CNBD1: variants seen among roughly 807,000 people sequenced by gnomAD.
CNBD1 encodes the protein cyclic nucleotide-binding domain-containing protein 1.
A neutral mutation model predicts 54.4 loss-of-function variants in CNBD1; 71 were observed. That is an observed-to-expected ratio of 1.30 (90% confidence interval 1.08 to 1.59). CNBD1 has a LOEUF of 1.59. Ranked by LOEUF, CNBD1 falls within the 40% of genes most tolerant of loss-of-function variation. The pLI, the probability that CNBD1 is intolerant of heterozygous loss-of-function variation, is 0.00. For synonymous variants in CNBD1, 182 were observed against 170.7 expected (o/e 1.07, Z -0.51); for missense variants, 659 against 518.0 (o/e 1.27, Z -2.64).
chr8:87,420,014 T>C lies in CNBD1; in HGVS notation c.214-8532T>C, dbSNP rs561218859. 4.4e-4 allele frequency among the ~76,000 whole-genome samples: 67 copies of C among 150,684 alleles called. No homozygotes were observed. The Middle Eastern group carries it at 0.011, about 24-fold the overall frequency. ...TGTAAGTATATTGAATCCAGAAATA[T>C]ATAGAAAGCACTATACATAATGACC... On this transcript the variant is annotated intron_variant, in intron 2 of 7. Coordinates refer to the CNBD1 transcript ENST00000521593.
At chr8:87,369,341 G>C (rs375235217) in intron 10 of CNBD1, among the ~76,000 whole-genome samples, 3 of 151,946 alleles carry the variant, frequency 2.0e-5, no homozygotes, top group East Asian at 3.9e-4. Flanking sequence ...TTTTGTGATT[G>C]AAAAGAGTTC....
chr8:86,905,128 A>G lies in CNBD1; in HGVS notation c.206A>G (p.Gln69Arg), dbSNP rs267602035. 2.5e-6 allele frequency: 4 copies of G among 1,612,658 alleles called. No homozygotes were observed. Among genetic ancestry groups the G allele is most frequent in the Non-Finnish European group, 2.5e-6 (3 of 1,179,048 alleles). ...ILSAHDTFMK[Q>R]YPKVFLHQKP... ...TCAGCTCACGATACATTTATGAAGC[A>G]ATATCCTAAAGTATTCCTGCACCAA... The change falls in exon 3 of 11, where the codon CAA (glutamine) becomes CGA (arginine). Residue 69 changes from glutamine to arginine, a missense_variant. Transcript: ENST00000518476.
chr8:87,348,272 G>T (rs1014034156), intron 8 of CNBD1, among the ~76,000 whole-genome samples: 1 of 152,000 alleles, frequency 6.6e-6, no homozygotes, highest in South Asian at 2.1e-4. Context: ...ATATTTATCT[G>T]CAAATAAATA....
intron 8 of CNBD1, among the ~76,000 whole-genome samples, chr8:87,350,175 T>C (rs922113777): frequency 1.3e-5 from 2 of 152,188 alleles, no homozygotes; most frequent in African/African-American, 4.8e-5. Flanking sequence ...GAGAAAAATC[T>C]GTGAGAAAAT....
intron 1 of CNBD1, among the ~76,000 whole-genome samples, chr8:86,884,936 T>C (rs535429268): frequency 1.3e-5 from 2 of 152,338 alleles, no homozygotes; most frequent in South Asian, 4.1e-4. Flanking sequence ...CGCAGGATCA[T>C]TGTGATATTT....
chr8:87,411,428 T>TATATATATATATATATATA (rs1807745518), intron 2 of CNBD1, among the ~76,000 whole-genome samples: 2 of 48,710 alleles, frequency 4.1e-5, no homozygotes, highest in African/African-American at 9.6e-5. Context: ...ATATATATAT[T>TATATATATATATATATATA]TCATTCACAC....
rs1563526073 is a variant in CNBD1 at position 87,256,004 on chromosome 8, TA to T, written c.771+18893del. On this transcript the variant is annotated intron_variant, in intron 6 of 10. Transcript: ENST00000518476. The stretch of plus-strand genomic sequence containing the variant: ...ATATATATATATATATATATATATA[TA>T]TATATATATATTTTTTTTTTTTTTT... Among the ~76,000 whole-genome samples the T allele has an allele frequency of 7.6e-3, 145 of 19,116 alleles. 2 individuals carry two copies. Among genetic ancestry groups the T allele is most frequent in the African/African-American group, 0.012 (49 of 4,024 alleles). 12.5% of individuals were successfully genotyped at this position (19,116 alleles called of 152,430 possible). A position where few individuals can be genotyped will look rare whatever the true frequency, so the allele number is the denominator to read the frequency against.
chr8:87,092,563 ATG>A (rs138744320), intron 4 of CNBD1, among the ~76,000 whole-genome samples: 2 of 146,902 alleles, frequency 1.4e-5, no homozygotes, highest in South Asian at 2.1e-4. Flanking sequence ...ATATACACAT[ATG>A]TGTGTGTGTG....
chr8:86,976,387 T>C (rs1808343554), intron 4 of CNBD1, among the ~76,000 whole-genome samples: 1 of 151,916 alleles, frequency 6.6e-6, no homozygotes, highest in African/African-American at 2.4e-5. Flanking sequence ...CTTTAATCCA[T>C]TTTGAGTTGA....
intron 9 of CNBD1, 40 bp from the exon 10 acceptor site, chr8:87,353,596 A>C: frequency 7.7e-7 from 1 of 1,302,384 alleles, no homozygotes; most frequent in South Asian, 1.3e-5. Context: ...ATTATATGGA[A>C]GCAGTTGCAT....
At chr8:87,010,194 A>G (rs1476881479) in intron 4 of CNBD1, among the ~76,000 whole-genome samples, 2 of 152,072 alleles carry the variant, frequency 1.3e-5, no homozygotes, top group African/African-American at 2.4e-5. Flanking sequence ...GGCTTCTCAA[A>G]TATTCTTCCT....
chr8:87,258,947 T>G lies in CNBD1; in HGVS notation c.771+21835T>G, dbSNP rs150069275. 2.7e-3 allele frequency among the ~76,000 whole-genome samples: 416 copies of G among 152,320 alleles called. 2 individuals carry two copies. The highest frequency in any genetic ancestry group is 4.9e-3 in the Non-Finnish European group (330 of 68,028). On this transcript the variant is annotated intron_variant, in intron 6 of 10. Transcript: ENST00000518476. Reference sequence around the variant, plus strand: ...CCACAACTTGTTTAAACCTTTAGTTTATTTAATTTAAAACAATCCTTTAAC... The same window carrying G: ...CCACAACTTGTTTAAACCTTTAGTTGATTTAATTTAAAACAATCCTTTAAC...
At chr8:87,243,229 C>G (rs1366667116) in intron 6 of CNBD1, among the ~76,000 whole-genome samples, 1 of 152,104 alleles carries the variant, frequency 6.6e-6, no homozygotes, top group Non-Finnish European at 1.5e-5. Context: ...AATGGTGGAT[C>G]CAACTAAAGA....
chr8:87,291,987 G>T (rs1285258556), intron 8 of CNBD1, among the ~76,000 whole-genome samples: 1 of 152,126 alleles, frequency 6.6e-6, no homozygotes, highest in Non-Finnish European at 1.5e-5. Flanking sequence ...TTAGACCAAA[G>T]TTATGACTTT....
intron 2 of CNBD1, among the ~76,000 whole-genome samples, chr8:87,414,427 A>T (rs1807803726): frequency 6.6e-6 from 1 of 152,094 alleles, no homozygotes; most frequent in African/African-American, 2.4e-5. Context: ...ATGCTAAATG[A>T]CAAGTTAATG....
chr8:87,230,007 G>A (rs1451679968), intron 5 of CNBD1, among the ~76,000 whole-genome samples: 3 of 152,100 alleles, frequency 2.0e-5, no homozygotes, highest in East Asian at 1.9e-4. Flanking sequence ...GTCTGTATAG[G>A]AGCCATGATG....
chr8:86,959,478 A>C (rs1344392023), intron 4 of CNBD1, among the ~76,000 whole-genome samples: 2 of 152,178 alleles, frequency 1.3e-5, no homozygotes, highest in African/African-American at 4.8e-5. Context: ...CGTCACTTTC[A>C]GGTACACCAA....
chr8:87,288,513 G>T (rs1467206740), intron 8 of CNBD1, among the ~76,000 whole-genome samples: 1 of 151,994 alleles, frequency 6.6e-6, no homozygotes, highest in Non-Finnish European at 1.5e-5. Flanking sequence ...AATTTGGAAA[G>T]GGGAGAATGA....
chr8:87,276,192 C>G (rs1585976996), intron 6 of CNBD1, among the ~76,000 whole-genome samples: 1 of 151,866 alleles, frequency 6.6e-6, no homozygotes, highest in Non-Finnish European at 1.5e-5. Context: ...TTATCACCTA[C>G]AATTAATGTC....
Sources: allele counts gnomAD v4.1 joint callset (sites outside exome capture counted in the v4.1 genomes callset), GRCh38; gene constraint gnomAD v4.1.1; transcripts MANE v1.5; gene names NCBI Gene and HGNC (gene_info 2026-07-23, HGNC 2026-07-21).